Variants in RSU1 observed in about 807,000 individuals in gnomAD.
RSU1 encodes Ras suppressor protein 1.
In RSU1, 26 loss-of-function variants were observed where a neutral mutation model predicts 31.1. The observed-to-expected ratio is 0.84, with a 90% CI of 0.61 to 1.16. The LOEUF is 1.16. Among genes scored for constraint, RSU1 ranks in the 50% most tolerant of loss-of-function variants. RSU1 has a pLI of 0.00. For missense variants in RSU1, 320 were observed against 339.1 expected (o/e 0.94, Z 0.44); for synonymous variants, 164 against 136.3 (o/e 1.20, Z -1.41).
chr10:16,695,171 A>T lies in RSU1; in HGVS notation c.599-16T>A. 6.6e-7 allele frequency: 1 copy of T among 1,518,666 alleles called. No individual in the cohort carries two copies. Among genetic ancestry groups the T allele is most frequent in the Non-Finnish European group, 9.0e-7 (1 of 1,114,510 alleles). The allele number at this position is 1,518,666 out of a possible 1,614,324, so 94.1% of individuals were successfully genotyped here. On this transcript the variant is annotated splice_polypyrimidine_tract_variant and intron_variant, in intron 7 of 8. Transcript: ENST00000345264. ...TCCAAGTTTCCTGGGGGGGGGGAAA[A>T]AAAAAGTGAAGGTCACTTCATCCAA... is the stretch of plus-strand genomic sequence containing the variant.
chr10:16,774,699 C>T (rs1303167238), intron 3 of RSU1, among the ~76,000 whole-genome samples: 1 of 152,228 alleles, frequency 6.6e-6, no homozygotes, highest in Admixed American at 6.5e-5. Flanking sequence ...TGGATGAACA[C>T]AATGGGATCC....
chr10:16,700,786 CA>C (rs1835775842), intron 7 of RSU1, among the ~76,000 whole-genome samples: 1 of 152,112 alleles, frequency 6.6e-6, no homozygotes, highest in African/African-American at 2.4e-5. Flanking sequence ...ATTTCATTAC[CA>C]GGTGATAAGC....
chr10:16,727,072 T>C (rs1409037905), intron 7 of RSU1: 4 of 456,698 alleles, frequency 8.8e-6, no homozygotes, highest in Non-Finnish European at 1.8e-5. Context: ...CTAATTAATG[T>C]GCATTCCTCA....
intron 7 of RSU1, among the ~76,000 whole-genome samples, chr10:16,745,053 GTAAC>G (rs1225553033): frequency 6.6e-6 from 1 of 152,182 alleles, no homozygotes; most frequent in Non-Finnish European, 1.5e-5. Flanking sequence ...TAGGCACTCG[GTAAC>G]TAACTGCCTC....
chr10:16,626,903 G>A (rs920356389), intron 8 of RSU1, among the ~76,000 whole-genome samples: 7 of 152,320 alleles, frequency 4.6e-5, no homozygotes, highest in East Asian at 3.9e-4. Context: ...ATACCTTCTC[G>A]ATGTCCCAGT....
chr10:16,689,300 A>T (rs940692769), intron 8 of RSU1, among the ~76,000 whole-genome samples: 11 of 152,352 alleles, frequency 7.2e-5, no homozygotes, highest in Admixed American at 4.6e-4. Context: ...TTTCTTAGAG[A>T]TAATTTCCTA....
Position 16,695,848 on chromosome 10 carries a change from T to C in RSU1, c.599-693A>G, listed in dbSNP as rs191898770. The stretch of plus-strand genomic sequence containing the variant: ...AAAAGCCAGCATGAAGATTTCAAGC[T>C]GATGCTCAATCTCATACACCTTCTA... On this transcript the variant is annotated intron_variant, in intron 7 of 8. Transcript: ENST00000345264. Among the ~76,000 whole-genome samples, 347 of 152,332 alleles carry C rather than the reference T, an allele frequency of 2.3e-3. 2 individuals are homozygous for C. The highest frequency in any genetic ancestry group is 7.6e-3 in the African/African-American group (317 of 41,572).
At chr10:16,612,508 A>G (rs989124163) in intron 8 of RSU1, among the ~76,000 whole-genome samples, 8 of 152,252 alleles carry the variant, frequency 5.3e-5, no homozygotes, top group Admixed American at 2.0e-4. Flanking sequence ...GGGACTGAGT[A>G]TATCTTCAGT....
chr10:16,694,639 C>T (rs3864823), intron 8 of RSU1, among the ~76,000 whole-genome samples: 52,970 of 151,970 alleles, frequency 0.35, 9,520 homozygotes, highest in Middle Eastern at 0.43. Flanking sequence ...GGCATGACCA[C>T]GACTCTGTGC....
intron 8 of RSU1, among the ~76,000 whole-genome samples, chr10:16,653,827 G>A: frequency 6.6e-6 from 1 of 152,042 alleles, no homozygotes; most frequent in Non-Finnish European, 1.5e-5. Context: ...ATTGGGGAGA[G>A]GGGAGATTGA....
intron 7 of RSU1, among the ~76,000 whole-genome samples, chr10:16,726,273 T>C (rs1836391696): frequency 6.7e-6 from 1 of 150,238 alleles, no homozygotes; most frequent in African/African-American, 2.5e-5. Flanking sequence ...GTATCTTTTT[T>C]TTTTTTTTTT....
intron 8 of RSU1, among the ~76,000 whole-genome samples, chr10:16,682,493 T>C (rs1284973909): frequency 1.3e-5 from 2 of 150,422 alleles, no homozygotes. Context: ...CAGAAACCCT[T>C]GTAGCAGAAC....
chr10:16,794,668 A>T (rs1564360778), intron 2 of RSU1, among the ~76,000 whole-genome samples: 1 of 152,252 alleles, frequency 6.6e-6, no homozygotes, highest in Non-Finnish European at 1.5e-5. Context: ...GGCCAGCAGA[A>T]TCAGAACAGA....
At chr10:16,673,151 T>C (rs10752056) in intron 8 of RSU1, among the ~76,000 whole-genome samples, 1 of 151,900 alleles carries the variant, frequency 6.6e-6, no homozygotes, top group Non-Finnish European at 1.5e-5. Context: ...TTGACCCCAT[T>C]GAAATGCTTC....
chr10:16,644,335 A>T (rs1386307204), intron 8 of RSU1, among the ~76,000 whole-genome samples: 2 of 152,282 alleles, frequency 1.3e-5, no homozygotes, highest in African/African-American at 2.4e-5. Flanking sequence ...AGTCTGAGGG[A>T]TCTGAATTTA....
intron 8 of RSU1, among the ~76,000 whole-genome samples, chr10:16,659,552 T>C (rs1377161880): frequency 1.3e-5 from 2 of 152,178 alleles, no homozygotes; most frequent in Non-Finnish European, 2.9e-5. Context: ...TGTGCATATA[T>C]GCATGAGATT....
chr10:16,737,115 A>G (rs1373376601), intron 7 of RSU1, among the ~76,000 whole-genome samples: 1 of 152,132 alleles, frequency 6.6e-6, no homozygotes, highest in African/African-American at 2.4e-5. Flanking sequence ...GTGATCTAAC[A>G]CAAGAGTAAT....
chr10:16,784,424 T>C (rs1837726649), intron 2 of RSU1, among the ~76,000 whole-genome samples: 1 of 152,206 alleles, frequency 6.6e-6, no homozygotes, highest in African/African-American at 2.4e-5. Context: ...AAGAAGTTTA[T>C]ATGGCTTATG....
intron 4 of RSU1, among the ~76,000 whole-genome samples, chr10:16,762,335 TTTC>T (rs1837226213): frequency 6.6e-6 from 1 of 151,356 alleles, no homozygotes; most frequent in East Asian, 1.9e-4. Flanking sequence ...TGTACATATA[TTTC>T]ATTTAATAAA....
Sources: allele counts gnomAD v4.1 joint callset (sites outside exome capture counted in the v4.1 genomes callset), GRCh38; gene constraint gnomAD v4.1.1; transcripts MANE v1.5; gene names NCBI Gene and HGNC (gene_info 2026-07-23, HGNC 2026-07-21).